RERE: variants seen among roughly 807,000 people sequenced by gnomAD.
RERE encodes the protein arginine-glutamic acid dipeptide repeats.
In RERE, 40 loss-of-function variants were observed where a neutral mutation model predicts 146.1. The observed-to-expected ratio is 0.27, with a 90% CI of 0.21 to 0.36. RERE has a LOEUF of 0.36. Among genes scored for constraint, RERE ranks in the 10% least tolerant of loss-of-function variants. The probability of loss-of-function intolerance (pLI) is 1.00; values close to 1 mark genes in which losing one functional copy is unlikely to be tolerated. For synonymous variants in RERE, 1,003 were observed against 866.0 expected (o/e 1.16, Z -2.78); for missense variants, 1,933 against 2,138.7 (o/e 0.90, Z 1.90).
At chr1:8,487,656 T>C (rs1225986128) in intron 10 of RERE, among the ~76,000 whole-genome samples, 1 of 152,150 alleles carries the variant, frequency 6.6e-6, no homozygotes, top group Non-Finnish European at 1.5e-5. Flanking sequence ...TAATGTCCAC[T>C]CTCATCACTT....
At chr1:8,556,785 T>G (rs909294876) in intron 5 of RERE, among the ~76,000 whole-genome samples, 2 of 152,230 alleles carry the variant, frequency 1.3e-5, no homozygotes, top group Non-Finnish European at 2.9e-5. Context: ...TTCTTGGCTA[T>G]GTTTTATACC....
chr1:8,594,606 G>C (rs934625680), intron 4 of RERE, among the ~76,000 whole-genome samples: 1 of 152,052 alleles, frequency 6.6e-6, no homozygotes, highest in African/African-American at 2.4e-5. Flanking sequence ...CTCAACATTT[G>C]AGCCTCTACA....
intron 2 of RERE, among the ~76,000 whole-genome samples, chr1:8,633,054 T>C (rs1647052516): frequency 6.6e-6 from 1 of 152,224 alleles, no homozygotes; most frequent in Admixed American, 6.5e-5. Context: ...TGGATTTAAA[T>C]ATACAAACAA....
rs1557486401 is a variant in RERE at position 8,694,983 on chromosome 1, G to GC, written c.-144-38543_-144-38542insG. ...GCCAAAGAAATCCTAAGGGGGGGGG[G>GC]GGAATGCTGGCAGCATCACATTATC... On this transcript the variant is annotated intron_variant, in intron 1 of 22. Transcript: ENST00000400908. Among the ~76,000 whole-genome samples, 3 of 124,552 alleles carry GC rather than the reference G, an allele frequency of 2.4e-5. 1 individual carries two copies. The highest frequency in any genetic ancestry group is 8.1e-5 in the Admixed American group (1 of 12,354). 81.7% of individuals were successfully genotyped at this position (124,552 alleles called of 152,430 possible). A position where few individuals can be genotyped will look rare whatever the true frequency, so the allele number is the denominator to read the frequency against.
chr1:8,770,132 C>G lies in RERE; in HGVS notation c.-145+47028G>C, dbSNP rs79892083. ...AGTACACTAATATATTGGAAATTTTCTAAAACAAAGCTTGAAACAACTATC... is the reference window on the plus strand; with the variant it reads ...AGTACACTAATATATTGGAAATTTTGTAAAACAAAGCTTGAAACAACTATC... On this transcript the variant is annotated intron_variant, in intron 1 of 22. Transcript: ENST00000400908. Among the ~76,000 whole-genome samples, 54 of 152,202 alleles carry G rather than the reference C, an allele frequency of 3.5e-4. 1 individual carries two copies. In the South Asian group the frequency reaches 0.011, roughly 32 times the overall value.
At chr1:8,513,877 C>G (rs1645375363) in intron 7 of RERE, among the ~76,000 whole-genome samples, 1 of 152,166 alleles carries the variant, frequency 6.6e-6, no homozygotes, top group Non-Finnish European at 1.5e-5. Context: ...AGTCTTTTGA[C>G]TGTGCTACTC....
intron 2 of RERE, among the ~76,000 whole-genome samples, chr1:8,654,045 G>A (rs1239446205): frequency 1.3e-5 from 2 of 150,680 alleles, no homozygotes; most frequent in Non-Finnish European, 3.0e-5. Flanking sequence ...TTTTTTTGCG[G>A]GGGGGAGGGG....
rs188690084 is a variant in RERE at position 8,408,951 on chromosome 1, T to C, written c.1284+13776A>G. On this transcript the variant is annotated intron_variant, in intron 12 of 22. Coordinates refer to ENST00000400908, the MANE Select transcript of RERE (RefSeq NM_001042681.2). The stretch of plus-strand genomic sequence containing the variant: ...ACAAGTCTAAATGTCCCGCAATGAT[T>C]TGGGGGTAGGATGTGAGGTAGGAGA... Among the ~76,000 whole-genome samples, 29 of 152,294 alleles carry C rather than the reference T, an allele frequency of 1.9e-4. No homozygotes were observed. The East Asian group carries it at 3.1e-3, about 16-fold the overall frequency.
At chr1:8,386,790 T>C (rs1292733970) in intron 12 of RERE, among the ~76,000 whole-genome samples, 2 of 151,928 alleles carry the variant, frequency 1.3e-5, no homozygotes, top group African/African-American at 4.8e-5. Context: ...AAGACAAAGG[T>C]TTTGAAATCT....
intron 11 of RERE, among the ~76,000 whole-genome samples, chr1:8,430,895 C>T (rs982154198): frequency 6.6e-6 from 1 of 152,200 alleles, no homozygotes. Flanking sequence ...GTTCTAACAA[C>T]AAAAGCCATG....
chr1:8,791,273 C>A (rs1431790707), intron 1 of RERE, among the ~76,000 whole-genome samples: 1 of 152,192 alleles, frequency 6.6e-6, no homozygotes, highest in African/African-American at 2.4e-5. Context: ...ATAGTATATG[C>A]ACACTTAATG....
intron 6 of RERE, among the ~76,000 whole-genome samples, chr1:8,543,023 C>T (rs1645817629): frequency 6.6e-6 from 1 of 152,126 alleles, no homozygotes; most frequent in African/African-American, 2.4e-5. Flanking sequence ...TTATGTAAAT[C>T]TAAATAGCTA....
intron 1 of RERE, among the ~76,000 whole-genome samples, chr1:8,727,444 T>C (rs1372947799): frequency 1.3e-5 from 2 of 152,124 alleles, no homozygotes; most frequent in Non-Finnish European, 2.9e-5. Context: ...ATCTGGCTAG[T>C]AGTCATTATT....
At chr1:8,566,236 C>T (rs992105470) in intron 4 of RERE, among the ~76,000 whole-genome samples, 6 of 152,294 alleles carry the variant, frequency 3.9e-5, no homozygotes, top group South Asian at 2.1e-4. Context: ...GGAAGGACCA[C>T]GGCTGTGGCA....
At chr1:8,481,042 AG>A (rs1426559676) in intron 10 of RERE, among the ~76,000 whole-genome samples, 1 of 152,220 alleles carries the variant, frequency 6.6e-6, no homozygotes, top group Non-Finnish European at 1.5e-5. Flanking sequence ...AACAGGAAGG[AG>A]ATGCAGGAAA....
intron 1 of RERE, among the ~76,000 whole-genome samples, chr1:8,690,512 T>A (rs1335289361): frequency 6.6e-6 from 1 of 152,200 alleles, no homozygotes; most frequent in African/African-American, 2.4e-5. Context: ...AATCTTTGTA[T>A]CGAGAGAGAA....
At chr1:8,452,497 G>A (rs961487685) in intron 11 of RERE, among the ~76,000 whole-genome samples, 1 of 151,868 alleles carries the variant, frequency 6.6e-6, no homozygotes, top group African/African-American at 2.4e-5. Context: ...TCACTGATAC[G>A]CTCCCTTCCT....
intron 2 of RERE, among the ~76,000 whole-genome samples, chr1:8,652,783 A>AT (rs1158930433): frequency 1.3e-5 from 2 of 152,130 alleles, no homozygotes; most frequent in Non-Finnish European, 2.9e-5. Flanking sequence ...ACACGTGGGG[A>AT]TTATTACAAT....
At chr1:8,762,206 T>C (rs1367650627) in intron 1 of RERE, among the ~76,000 whole-genome samples, 1 of 152,172 alleles carries the variant, frequency 6.6e-6, no homozygotes, top group African/African-American at 2.4e-5. Context: ...ACTTGACCCT[T>C]ACCAATTTCA....
Sources: allele counts gnomAD v4.1 joint callset (sites outside exome capture counted in the v4.1 genomes callset), GRCh38; gene constraint gnomAD v4.1.1; transcripts MANE v1.5; gene names NCBI Gene and HGNC (gene_info 2026-07-23, HGNC 2026-07-21).